ATP1A4: variants seen among roughly 807,000 people sequenced by gnomAD.
ATP1A4 encodes ATPase Na+/K+ transporting subunit alpha 4.
ATP1A4 carries 90 observed loss-of-function variants against 114.3 expected under a neutral mutation model. The ratio of observed to expected loss-of-function variants is 0.79; its 90% confidence interval spans 0.66 to 0.94. The LOEUF is 0.94. Ranked by LOEUF, ATP1A4 falls within the 40% of genes least tolerant of loss-of-function variation. The probability of loss-of-function intolerance (pLI) is 0.00; values close to 1 mark genes in which losing one functional copy is unlikely to be tolerated. For synonymous variants in ATP1A4, 511 were observed against 494.1 expected (o/e 1.03, Z -0.45); for missense variants, 1,222 against 1,313.6 (o/e 0.93, Z 1.08).
At chr1:160,153,265 T>C in intron 2 of ATP1A4, 41 bp downstream of exon 2, 1 of 1,566,550 alleles carries the variant, frequency 6.4e-7, no homozygotes, top group Non-Finnish European at 8.8e-7. Context: ...AGTCTCCAAC[T>C]CTGACTGTGA....
chr1:160,164,177 T>C lies in ATP1A4; in HGVS notation c.800T>C (p.Ile267Thr), dbSNP rs1438753624. 1.2e-6 allele frequency: 2 copies of C among 1,614,174 alleles called. No homozygotes were observed. The highest frequency in any genetic ancestry group is 2.2e-5 in the East Asian group (1 of 44,878). The change falls in exon 7 of 22, where the codon ATT (isoleucine) becomes ACT (threonine). Residue 267 changes from isoleucine to threonine, a missense_variant. Transcript: ENST00000368081. ...CVEGTARGIV[I>T]ATGDSTVMGR... ...ACAGGAACCGCCCGGGGTATTGTGA[T>C]TGCTACGGGAGACTCCACAGTGATG...
At chr1:160,159,368 TCC>T in intron 5 of ATP1A4, 39 bp from the exon 6 acceptor site, 1 of 1,538,364 alleles carries the variant, frequency 6.5e-7, no homozygotes, top group Admixed American at 2.0e-5. Flanking sequence ...CTGCCTTTTT[TCC>T]TATGCTCACC....
Position 160,167,068 on chromosome 1 carries a change from C to A in ATP1A4, c.1347C>A (p.Pro449=). 2 of 1,614,002 alleles carry A rather than the reference C, an allele frequency of 1.2e-6. No homozygotes were observed. Among genetic ancestry groups the A allele is most frequent in the Non-Finnish European group, 1.7e-6 (2 of 1,179,914 alleles). Residue 449 remains proline (P), a synonymous_variant, in exon 9 of 22, where the codon CCC becomes CCA. Transcript: ENST00000368081. The stretch of plus-strand genomic sequence containing the variant: ...TTAAGGCTAATCAGGAGATCCTGCC[C>A]ATTGCTAAGGTGTCAGGCCCAAGGG... ...ADFKANQEIL[P]IAKRATTGDA... is the part of the protein sequence containing the mutation.
intron 6 of ATP1A4, among the ~76,000 whole-genome samples, chr1:160,160,599 G>A (rs922571562): frequency 6.6e-6 from 1 of 152,052 alleles, no homozygotes; most frequent in African/African-American, 2.4e-5. Flanking sequence ...CACAATACCA[G>A]ATATTATCCC....
At chr1:160,175,784 A>G (rs189747777) in intron 15 of ATP1A4, among the ~76,000 whole-genome samples, 2 of 152,250 alleles carry the variant, frequency 1.3e-5, no homozygotes, top group African/African-American at 2.4e-5. Flanking sequence ...TTCCAGCCTT[A>G]ATCTTGTAAA....
intron 3 of ATP1A4, 61 bp from the exon 4 acceptor site, chr1:160,155,984 T>G: frequency 9.7e-7 from 1 of 1,034,992 alleles, no homozygotes; most frequent in Non-Finnish European, 1.5e-6. Context: ...CAGACTGATT[T>G]TCTGAGGATG....
chr1:160,171,519 T>C lies in ATP1A4; in HGVS notation c.1682-66T>C. On this transcript the variant is annotated intron_variant, in intron 11 of 21. Coordinates refer to ENST00000368081, the MANE Select transcript of ATP1A4 (RefSeq NM_144699.4). ...CCCTGGGGTGAGAAATCAAGGATGTTGGGGTAAGCAGATAGGAATGTAGAG... is the reference window on the plus strand; with the variant it reads ...CCCTGGGGTGAGAAATCAAGGATGTCGGGGTAAGCAGATAGGAATGTAGAG... 18 of 1,599,318 alleles carry C rather than the reference T, an allele frequency of 1.1e-5. 1 individual carries two copies. In the South Asian group the frequency reaches 2.0e-4, roughly 18 times the overall value.
rs374930914 is a variant in ATP1A4 at position 160,176,245 on chromosome 1, T to A, written c.2465T>A (p.Met822Lys). ...TILCIDLGTD[M>K]VPAISLAYES... ...CTCTGCATTGATCTCGGCACTGACA[T>A]GGTAAGGGCCAAGCTGGTGAGCAAG... The change falls in exon 16 of 22, where the codon ATG becomes AAG. Residue 822 changes from methionine (M) to lysine (K), a missense_variant and splice_region_variant. Met to Lys is a moderately conservative substitution (Grantham distance 95). Coordinates refer to ENST00000368081, the MANE Select transcript of ATP1A4 (RefSeq NM_144699.4). The A allele has an allele frequency of 1.9e-6, 3 of 1,614,040 alleles. No individual in the cohort carries two copies. The highest frequency in any genetic ancestry group is 3.3e-5 in the Admixed American group (2 of 60,002).
Position 160,181,742 on chromosome 1 carries a change from T to C in ATP1A4, c.2795T>C (p.Ile932Thr), listed in dbSNP as rs780918627. 6.2e-7 allele frequency: 1 copy of C among 1,614,058 alleles called. No individual in the cohort carries two copies. ...FTCQTAFFVTIVVVQWADLII... is the reference protein window; with the variant it reads ...FTCQTAFFVTTVVVQWADLII... ...TGCCAAACGGCCTTTTTTGTCACCA[T>C]CGTGGTTGTGCAGTGGGCGGATCTC... The change falls in exon 19 of 22, where the codon ATC becomes ACC. Residue 932 changes from isoleucine to threonine, a missense_variant. By Grantham distance (89) the Ile-to-Thr change is moderately conservative. Coordinates refer to ENST00000368081, the MANE Select transcript of ATP1A4 (RefSeq NM_144699.4).
rs116577729 is a variant in ATP1A4, at chr1:160,179,246, C to T, written c.2736+1582C>T. Among the ~76,000 whole-genome samples, 702 of 152,332 alleles carry T rather than the reference C, an allele frequency of 4.6e-3. 7 individuals carry two copies. Among genetic ancestry groups the T allele is most frequent in the African/African-American group, 0.016 (672 of 41,564 alleles). Reference sequence around the variant, plus strand: ...ATGTCAATATTCCCAGCTATTAACACTGCTGCAGGATCCAGTGACACCCAA... The same window carrying T: ...ATGTCAATATTCCCAGCTATTAACATTGCTGCAGGATCCAGTGACACCCAA... On this transcript the variant is annotated intron_variant, in intron 18 of 21. Transcript: ENST00000368081.
chr1:160,177,784 C>A (rs1653534237), intron 18 of ATP1A4, 120 bp downstream of exon 18: 1 of 1,139,708 alleles, frequency 8.8e-7, no homozygotes, highest in African/African-American at 1.6e-5. Flanking sequence ...AGAGCTGATG[C>A]CTTTTCTTCA....
At chr1:160,154,935 C>A (rs544342799) in intron 2 of ATP1A4, 110 bp from the exon 3 acceptor site, 2 of 960,946 alleles carry the variant, frequency 2.1e-6, no homozygotes, top group African/African-American at 1.6e-5. Flanking sequence ...CTTCTGAAAG[C>A]GTCTTTAGTC....
At chr1:160,156,298 C>T in intron 4 of ATP1A4, 140 bp downstream of exon 4, 2 of 623,180 alleles carry the variant, frequency 3.2e-6, no homozygotes, top group South Asian at 2.0e-5. Flanking sequence ...GGTACTGTAT[C>T]AGTCCTTAAA....
chr1:160,173,432 G>A, intron 12 of ATP1A4, 149 bp from the exon 13 acceptor site: 2 of 1,104,548 alleles, frequency 1.8e-6, no homozygotes, highest in East Asian at 2.4e-5. Context: ...CAGTAGCATG[G>A]TTTTTGGTCT....
chr1:160,186,556 CCCTGTGTTCCAGA>C, intron 21 of ATP1A4, 102 bp from the exon 22 acceptor site: 1 of 1,253,382 alleles, frequency 8.0e-7, no homozygotes, highest in Non-Finnish European at 1.1e-6. Context: ...ACCCTCAGTG[CCCTGTGTTCCAGA>C]CCTCCCACCT....
At position 160,186,354 on chromosome 1, in the gene ATP1A4, T is replaced by C; in HGVS notation, c.3048T>C (p.Arg1016=). ...ATGAAATCAGAAAACTCCTCATCCG[T>C]CAGCACCCGGATGGTGAGGCTCCCC... ...VYDEIRKLLI[R]QHPDGWVERE... is the part of the protein sequence containing the mutation. Residue 1016 remains arginine (R), a synonymous_variant, in exon 21 of 22, where the codon CGT becomes CGC. Transcript: ENST00000368081. The C allele has an allele frequency of 1.2e-6, 2 of 1,612,778 alleles. No homozygotes were observed. Among genetic ancestry groups the C allele is most frequent in the East Asian group, 2.2e-5 (1 of 44,868 alleles).
intron 1 of ATP1A4, among the ~76,000 whole-genome samples, chr1:160,152,473 T>C (rs1454332587): frequency 2.0e-5 from 3 of 151,988 alleles, no homozygotes; most frequent in African/African-American, 7.3e-5. Context: ...TAGGGATGGA[T>C]GGGAGGAGTC....
Position 160,167,283 on chromosome 1 carries a change from C to T in ATP1A4, c.1362C>T (p.Ala454=). The change falls in exon 10 of 22, where the codon GCC becomes GCT. Residue 454 remains alanine (A), a synonymous_variant. Coordinates refer to ENST00000368081, the MANE Select transcript of ATP1A4 (RefSeq NM_144699.4). ...TACAAACCCCATCCTGGCAGAGGGCCACAACAGGTGATGCTTCCGAGTCAG... is the reference window on the plus strand; with the variant it reads ...TACAAACCCCATCCTGGCAGAGGGCTACAACAGGTGATGCTTCCGAGTCAG... ...NQEILPIAKR[A]TTGDASESAL... 6.2e-7 allele frequency: 1 copy of T among 1,604,636 alleles called. No homozygotes were observed. Among genetic ancestry groups the T allele is most frequent in the Non-Finnish European group, 8.5e-7 (1 of 1,176,474 alleles).
At chr1:160,177,377 T>C (rs939806167) in intron 17 of ATP1A4, 142 bp from the exon 18 acceptor site, 34 of 767,968 alleles carry the variant, frequency 4.4e-5, no homozygotes, top group South Asian at 4.2e-4. Context: ...AGGCAGCTGA[T>C]GGCAAGATTC....
Sources: allele counts gnomAD v4.1 joint callset (sites outside exome capture counted in the v4.1 genomes callset), GRCh38; gene constraint gnomAD v4.1.1; transcripts MANE v1.5; gene names NCBI Gene and HGNC (gene_info 2026-07-23, HGNC 2026-07-21).